SLC17A2: variants seen among roughly 807,000 people sequenced by gnomAD.
The protein encoded by SLC17A2 is sodium-dependent phosphate transport protein 3.
SLC17A2 carries 38 observed loss-of-function variants against 52.1 expected under a neutral mutation model. That is an observed-to-expected ratio of 0.73 (90% CI 0.56 to 0.96). The LOEUF is 0.96. Ranked by LOEUF, SLC17A2 falls within the 40% of genes least tolerant of loss-of-function variation. The pLI is 0.00. For synonymous variants in SLC17A2, 226 were observed against 211.9 expected (o/e 1.07, Z -0.58); for missense variants, 508 against 583.9 (o/e 0.87, Z 1.34).
At chr6:25,920,536 A>C (rs975104211) in intron 5 of SLC17A2, among the ~76,000 whole-genome samples, 2 of 152,224 alleles carry the variant, frequency 1.3e-5, no homozygotes, top group African/African-American at 4.8e-5. Flanking sequence ...GGTTGTTGTG[A>C]GAATTAATGA....
At chr6:25,925,678 C>T (rs1766736534) in intron 2 of SLC17A2, 91 bp downstream of exon 2, 12 of 1,191,772 alleles carry the variant, frequency 1.0e-5, no homozygotes, top group South Asian at 4.8e-5. Flanking sequence ...AGTATCTTTA[C>T]GAAGGGTCAG....
chr6:25,914,998 T>C (rs142640752), intron 10 of SLC17A2, among the ~76,000 whole-genome samples: 2 of 151,778 alleles, frequency 1.3e-5, no homozygotes, highest in Admixed American at 1.3e-4. Context: ...TCTGCCTTTA[T>C]GTGACCATAG....
At chr6:25,927,397 C>G (rs955372275) in intron 1 of SLC17A2, among the ~76,000 whole-genome samples, 2 of 152,134 alleles carry the variant, frequency 1.3e-5, no homozygotes, top group Admixed American at 6.5e-5. Context: ...TGCTAGTACT[C>G]TAGTGTACAA....
rs74804634 is a variant in SLC17A2, at chr6:25,926,016, T to A, written c.-83-137A>T. ...ATTTTATGGGGCACTACTGGTATGC[T>A]TTTGGTTACAGGATTGTTAAAAGGA... is the stretch of plus-strand genomic sequence containing the variant. On this transcript the variant is annotated intron_variant, in intron 1 of 11. Transcript: ENST00000377850. The A allele has an allele frequency of 5.7e-4, 341 of 603,084 alleles. 1 individual carries two copies. The highest frequency in any genetic ancestry group is 8.8e-4 in the Non-Finnish European group (295 of 336,914). 37.4% of individuals were successfully genotyped at this position (603,084 alleles called of 1,614,324 possible). A position where few individuals can be genotyped will look rare whatever the true frequency, so the allele number is the denominator to read the frequency against.
intron 5 of SLC17A2, 125 bp downstream of exon 5, chr6:25,920,881 C>T (rs1040119416): frequency 2.5e-6 from 2 of 798,624 alleles, no homozygotes; most frequent in African/African-American, 1.7e-5. Context: ...ATGCAAGTGT[C>T]TTATATTGTT....
At chr6:25,927,743 G>C (rs188568539) in intron 1 of SLC17A2, among the ~76,000 whole-genome samples, 1 of 152,028 alleles carries the variant, frequency 6.6e-6, no homozygotes, top group Admixed American at 6.6e-5. Context: ...TTGTTGTTTT[G>C]TACAATGGAC....
chr6:25,922,143 T>C (rs1185906601), intron 3 of SLC17A2, among the ~76,000 whole-genome samples: 1 of 151,796 alleles, frequency 6.6e-6, no homozygotes, highest in African/African-American at 2.4e-5. Context: ...ATATAAAATA[T>C]GAAATATTTT....
rs540031239 is a variant in SLC17A2 at position 25,930,616 on chromosome 6, T to C, written c.-423A>G. 1 of 152,246 alleles carries C rather than the reference T, an allele frequency of 6.6e-6. No homozygotes were observed. Among genetic ancestry groups the C allele is most frequent in the African/African-American group, 2.4e-5 (1 of 41,466 alleles). 9.4% of individuals were successfully genotyped at this position (152,246 alleles called of 1,614,324 possible). On this transcript the variant is annotated 5_prime_UTR_variant, in exon 1 of 12. Transcript: ENST00000377850. ...AAAGGAGGGAGTTTTCTGTCCCTTC[T>C]TCCCTTTCAAATACTTTTGCAGATT...
rs778550324 is a variant in SLC17A2, at chr6:25,915,758, C to T, written c.1041G>A (p.Val347=). The T allele has an allele frequency of 1.2e-5, 20 of 1,613,986 alleles. No homozygotes were observed. The highest frequency in any genetic ancestry group is 1.5e-5 in the Non-Finnish European group (18 of 1,180,024). ...LSRNLLRLIT[V]RKLFSSLGLL... is the part of the protein sequence containing the mutation. ...TACCAAGAGATGAAAAGAGCTTTCGCACAGTGATCAATCTGAGAAGATTCC... is the reference window on the plus strand; with the variant it reads ...TACCAAGAGATGAAAAGAGCTTTCGTACAGTGATCAATCTGAGAAGATTCC... The change falls in exon 9 of 12, where the codon GTG becomes GTA. Residue 347 remains valine, a synonymous_variant. Transcript: ENST00000377850.
intron 11 of SLC17A2, among the ~76,000 whole-genome samples, chr6:25,914,342 C>G (rs1766218629): frequency 6.6e-6 from 1 of 152,176 alleles, no homozygotes; most frequent in South Asian, 2.1e-4. Context: ...TCTAGGAAGT[C>G]ACACGTGCTG....
rs1766416584 is a variant in SLC17A2 at position 25,918,543 on chromosome 6, C to G, written c.593G>C (p.Cys198Ser). The G allele has an allele frequency of 6.2e-7, 1 of 1,613,462 alleles. No individual in the cohort carries two copies. The change falls in exon 6 of 12, where the codon TGT becomes TCT. Residue 198 changes from cysteine to serine, a missense_variant. By Grantham distance (112) the Cys-to-Ser change is moderately radical. Coordinates refer to ENST00000377850, the MANE Select transcript of SLC17A2 (RefSeq NM_001286123.3). ...GGCCTGTGAGATTAGTCCCCCCACACAGAGGATGATGAAGGATCCAAATGC... is the reference window on the plus strand; with the variant it reads ...GGCCTGTGAGATTAGTCCCCCCACAGAGAGGATGATGAAGGATCCAAATGC... ...GSAFGSFIIL[C>S]VGGLISQALS... is the part of the protein sequence containing the mutation.
rs918871398 is a variant in SLC17A2, at chr6:25,913,289, C to G, written c.*28G>C. On this transcript the variant is annotated 3_prime_UTR_variant, in exon 12 of 12. Coordinates refer to ENST00000377850, the MANE Select transcript of SLC17A2 (RefSeq NM_001286123.3). ...ATGTTTAAAAAGTTCATGCTCAGTA[C>G]CACATTTAAGTTTGTAACTTTATGT... is the stretch of plus-strand genomic sequence containing the variant. 1 of 1,613,410 alleles carries G rather than the reference C, an allele frequency of 6.2e-7. No homozygotes were observed. Among genetic ancestry groups the G allele is most frequent in the African/African-American group, 1.3e-5 (1 of 74,894 alleles).
rs1015512358 is a variant in SLC17A2 at position 25,916,939 on chromosome 6, T to A, written c.768+30A>T. The stretch of plus-strand genomic sequence containing the variant: ...ACACCCTGCCCTAGAGACCTCTGCA[T>A]GGGCCACAGGTACAAGGTGTGCACT... On this transcript the variant is annotated intron_variant, in intron 7 of 11. Coordinates refer to ENST00000377850, the MANE Select transcript of SLC17A2 (RefSeq NM_001286123.3). The A allele has an allele frequency of 1.9e-6, 3 of 1,601,114 alleles. No individual in the cohort carries two copies. The African/African-American group carries it at 4.0e-5, about 21-fold the overall frequency.
intron 5 of SLC17A2, among the ~76,000 whole-genome samples, chr6:25,919,699 C>CAAA (rs766352177): frequency 0.019 from 604 of 31,132 alleles, 96 homozygotes; most frequent in African/African-American, 0.054. Context: ...GACACCGTCT[C>CAAA]AAAAAAAAAA....
intron 1 of SLC17A2, among the ~76,000 whole-genome samples, chr6:25,927,052 C>A (rs750417922): frequency 3.3e-5 from 5 of 152,184 alleles, no homozygotes; most frequent in Admixed American, 6.5e-5. Flanking sequence ...GGGGACAGAG[C>A]AGGAATCCGT....
chr6:25,920,732 T>G (rs1766519509), intron 5 of SLC17A2, among the ~76,000 whole-genome samples: 3 of 152,168 alleles, frequency 2.0e-5, no homozygotes, highest in Non-Finnish European at 4.4e-5. Flanking sequence ...GGTTTAAACT[T>G]TTTCCGACAA....
At chr6:25,920,887 T>C (rs1032681242) in intron 5 of SLC17A2, 119 bp downstream of exon 5, 2 of 837,538 alleles carry the variant, frequency 2.4e-6, no homozygotes, top group Non-Finnish European at 3.9e-6. Context: ...GTGTCTTATA[T>C]TGTTGAATTT....
intron 3 of SLC17A2, 96 bp downstream of exon 3, chr6:25,923,599 G>C: frequency 1.1e-6 from 1 of 895,394 alleles, no homozygotes. Context: ...TTTGTCATTG[G>C]AAATGTATAC....
chr6:25,918,021 TG>T (rs142779275), intron 6 of SLC17A2, among the ~76,000 whole-genome samples: 3,651 of 152,262 alleles, frequency 0.024, 58 homozygotes, highest in Non-Finnish European at 0.035. Flanking sequence ...GAAGGGCCCA[TG>T]GGGAAGGGAA....
Sources: gnomAD v4.1 joint callset for allele counts (sites outside exome capture counted in the v4.1 genomes callset) on GRCh38, gnomAD v4.1.1 for gene constraint, MANE v1.5 for transcripts, NCBI Gene and HGNC (gene_info 2026-07-23, HGNC 2026-07-21) for gene names.